The following MITF variants were observed in gnomAD, a reference collection of about 807,000 sequenced individuals.
The protein encoded by MITF is microphthalmia-associated transcription factor.
A neutral mutation model predicts 60.5 loss-of-function variants in MITF; 17 were observed. The ratio of observed to expected loss-of-function variants is 0.28; its 90% CI spans 0.19 to 0.42. The LOEUF is 0.42. Among genes scored for constraint, MITF ranks in the 10% least tolerant of loss-of-function variants. The pLI, the probability that MITF is intolerant of heterozygous loss-of-function variation, is 1.00. For missense variants in MITF, 622 were observed against 683.5 expected (o/e 0.91, Z 1.00); for synonymous variants, 260 against 248.5 (o/e 1.05, Z -0.43).
intron 1 of MITF, among the ~76,000 whole-genome samples, chr3:69,842,643 T>G (rs1443495842): frequency 1.3e-5 from 2 of 152,198 alleles, no homozygotes; most frequent in Non-Finnish European, 2.9e-5. Context: ...TACTGTTTCT[T>G]GAAGACAGAA....
intron 2 of MITF, among the ~76,000 whole-genome samples, chr3:69,898,964 A>G (rs2064937823): frequency 6.6e-6 from 1 of 152,184 alleles, no homozygotes; most frequent in African/African-American, 2.4e-5. Context: ...CTTACTGTTA[A>G]GTAGAGAGGT....
At chr3:69,945,561 C>T (rs1384327122) in intron 5 of MITF, among the ~76,000 whole-genome samples, 1 of 152,176 alleles carries the variant, frequency 6.6e-6, no homozygotes, top group East Asian at 1.9e-4. Context: ...AAATGCATGG[C>T]TAGGAGACAC....
rs2107556848 is a variant in MITF, at chr3:69,966,635, G to T, written c.*1387G>T. On this transcript the variant is annotated 3_prime_UTR_variant, in exon 10 of 10. Transcript: ENST00000352241. ...CTTGATAACAATGTTTTAACAAGAA[G>T]CAATGTTATAAAGTTAGTTTCAGTG... 4.3e-6 allele frequency: 1 copy of T among 233,050 alleles called. No homozygotes were observed. The highest frequency in any genetic ancestry group is 8.5e-6 in the Non-Finnish European group (1 of 117,712). The allele number at this position is 233,050 out of a possible 1,614,324, so 14.4% of individuals were successfully genotyped here. A position where few individuals can be genotyped will look rare whatever the true frequency, so the allele number is the denominator to read the frequency against.
At chr3:69,960,147 G>A (rs1042697301) in intron 9 of MITF, among the ~76,000 whole-genome samples, 2 of 152,128 alleles carry the variant, frequency 1.3e-5, no homozygotes, top group Admixed American at 6.5e-5. Flanking sequence ...ACTATACCAC[G>A]TTAAACAAGA....
chr3:69,762,604 A>C (rs763279524), intron 1 of MITF: 4 of 218,904 alleles, frequency 1.8e-5, no homozygotes, highest in African/African-American at 9.0e-5. Flanking sequence ...TCAGAGAGTC[A>C]GGGCTTTCCT....
chr3:69,740,751 G>A (rs1703500492), intron 1 of MITF, among the ~76,000 whole-genome samples: 3 of 152,174 alleles, frequency 2.0e-5, no homozygotes, highest in Admixed American at 6.5e-5. Flanking sequence ...GGCTATCATT[G>A]GAAGCATCCA....
intron 2 of MITF, among the ~76,000 whole-genome samples, chr3:69,915,327 A>G (rs1200364253): frequency 1.3e-5 from 2 of 152,142 alleles, no homozygotes; most frequent in Non-Finnish European, 1.5e-5. Flanking sequence ...TTATAAAATT[A>G]TTTTCTAAAC....
intron 1 of MITF, among the ~76,000 whole-genome samples, chr3:69,858,993 A>C (rs958598287): frequency 2.6e-5 from 4 of 152,170 alleles, no homozygotes; most frequent in African/African-American, 9.7e-5. Flanking sequence ...ATTCAATCAT[A>C]GTATTAATCT....
At chr3:69,845,502 C>T (rs2063716794) in intron 1 of MITF, among the ~76,000 whole-genome samples, 1 of 145,344 alleles carries the variant, frequency 6.9e-6, no homozygotes, top group Non-Finnish European at 1.5e-5. Flanking sequence ...ACATTCAGTA[C>T]ATACATTGTT....
At chr3:69,863,968 T>A (rs1421417094) in intron 1 of MITF, among the ~76,000 whole-genome samples, 1 of 152,228 alleles carries the variant, frequency 6.6e-6, no homozygotes, top group Non-Finnish European at 1.5e-5. Flanking sequence ...TTTTTTTCAC[T>A]CTGTCTCATT....
chr3:69,932,023 A>G (rs561504067), intron 2 of MITF, among the ~76,000 whole-genome samples: 1 of 152,360 alleles, frequency 6.6e-6, no homozygotes, highest in East Asian at 1.9e-4. Context: ...CAGTAGTTGG[A>G]AAAACAACTG....
At chr3:69,878,650 C>CTT (rs1298673652) in intron 1 of MITF, among the ~76,000 whole-genome samples, 1 of 152,022 alleles carries the variant, frequency 6.6e-6, no homozygotes, top group Non-Finnish European at 1.5e-5. Flanking sequence ...CAAAGCTCAC[C>CTT]TTTTCTTTAA....
intron 2 of MITF, among the ~76,000 whole-genome samples, chr3:69,926,492 A>C (rs2065591336): frequency 6.6e-6 from 1 of 152,126 alleles, no homozygotes; most frequent in Admixed American, 6.5e-5. Flanking sequence ...TATGAGAAGG[A>C]GTTGTTCTGC....
At chr3:69,830,607 C>T (rs368084764) in intron 1 of MITF, among the ~76,000 whole-genome samples, 2 of 152,134 alleles carry the variant, frequency 1.3e-5, no homozygotes, top group Non-Finnish European at 1.5e-5. Flanking sequence ...CTCCCCATCC[C>T]GATGCTTCAT....
At chr3:69,817,352 A>T (rs1478174878) in intron 1 of MITF, among the ~76,000 whole-genome samples, 1 of 152,214 alleles carries the variant, frequency 6.6e-6, no homozygotes, top group Non-Finnish European at 1.5e-5. Context: ...AGTGGATCAA[A>T]TCTTAAAACC....
chr3:69,964,704 T>G lies in MITF; in HGVS notation c.1180-143T>G, dbSNP rs963697792. On this transcript the variant is annotated intron_variant, in intron 9 of 9. Transcript: ENST00000352241. ...TCCAAAGTCTATACTTTACATTCCC[T>G]CTGGTATTGTACATTTTGTGGGTTT... 4.0e-5 allele frequency: 26 copies of G among 649,258 alleles called. 4 individuals are homozygous for G. The African/African-American group carries it at 4.6e-4, about 12-fold the overall frequency. The allele number at this position is 649,258 out of a possible 1,614,324, so 40.2% of individuals were successfully genotyped here. A position where few individuals can be genotyped will look rare whatever the true frequency, so the allele number is the denominator to read the frequency against.
intron 1 of MITF, among the ~76,000 whole-genome samples, chr3:69,771,371 TA>T (rs1257546067): frequency 1.3e-5 from 2 of 152,188 alleles, no homozygotes; most frequent in Non-Finnish European, 2.9e-5. Flanking sequence ...AGTATTTGCT[TA>T]AATGACTTTA....
At chr3:69,851,541 G>C (rs1051972943) in intron 1 of MITF, among the ~76,000 whole-genome samples, 1 of 152,108 alleles carries the variant, frequency 6.6e-6, no homozygotes, top group Non-Finnish European at 1.5e-5. Context: ...CTTGCTAAGG[G>C]ACAAAAAACA....
chr3:69,739,711 G>T lies in MITF; in HGVS notation c.104+10G>T. ...AACCGCTGAAGAGCAGGTGAGTGGT[G>T]ACAGCTGGGCAGAGGCGCACCGGGC... On this transcript the variant is annotated intron_variant, in intron 1 of 9. Transcript: ENST00000352241. 6.4e-7 allele frequency: 1 copy of T among 1,556,652 alleles called. No homozygotes were observed. The highest frequency in any genetic ancestry group is 8.7e-7 in the Non-Finnish European group (1 of 1,147,312).
Sources: allele counts gnomAD v4.1 joint callset (sites outside exome capture counted in the v4.1 genomes callset), GRCh38; gene constraint gnomAD v4.1.1; transcripts MANE v1.5; gene names NCBI Gene and HGNC (gene_info 2026-07-23, HGNC 2026-07-21).